NAMPT: variants seen among roughly 807,000 people sequenced by gnomAD.
The protein encoded by NAMPT is NAmPRTase.
NAMPT carries 7 observed loss-of-function variants against 58.7 expected under a neutral mutation model. The ratio of observed to expected loss-of-function variants is 0.12; its 90% CI spans 0.07 to 0.22. The LOEUF (loss-of-function observed/expected upper bound fraction) is 0.22, where lower values mean the gene tolerates loss of function less well. Ranked by LOEUF, NAMPT falls within the 10% of genes least tolerant of loss-of-function variation. NAMPT has a pLI of 1.00. For missense variants in NAMPT, 271 were observed against 567.9 expected (o/e 0.48, Z 5.31); for synonymous variants, 145 against 198.1 (o/e 0.73, Z 2.25).
intron 6 of NAMPT, among the ~76,000 whole-genome samples, chr7:106,267,872 A>AAAAAAAAAAC (rs1562815992): frequency 7.3e-6 from 1 of 136,200 alleles, no homozygotes; most frequent in African/African-American, 2.9e-5. Flanking sequence ...AAAAAAAAAA[A>AAAAAAAAAAC]AAAACAACCT....
intron 1 of NAMPT, among the ~76,000 whole-genome samples, chr7:106,281,443 CAA>C (rs1402062543): frequency 6.6e-6 from 1 of 152,016 alleles, no homozygotes; most frequent in Non-Finnish European, 1.5e-5. Flanking sequence ...TAAAAAATCA[CAA>C]GTCAACATTT....
intron 1 of NAMPT, among the ~76,000 whole-genome samples, chr7:106,280,834 A>C (rs1440468596): frequency 1.3e-5 from 2 of 151,796 alleles, no homozygotes; most frequent in South Asian, 2.1e-4. Context: ...CCAGCTACTC[A>C]GGAGACTGAG....
Position 106,249,367 on chromosome 7 carries a change from G to A in NAMPT, c.*1716C>T, listed in dbSNP as rs1420282516. 6.6e-6 allele frequency: 1 copy of A among 152,396 alleles called. No individual in the cohort carries two copies. The highest frequency in any genetic ancestry group is 1.5e-5 in the Non-Finnish European group (1 of 67,944). The allele number at this position is 152,396 out of a possible 1,614,324, so 9.4% of individuals were successfully genotyped here. On this transcript the variant is annotated 3_prime_UTR_variant, in exon 11 of 11. Coordinates refer to ENST00000222553, the MANE Select transcript of NAMPT (RefSeq NM_005746.3). ...GTTATTCTAGTGATCATTTTCTCATGTAACTATTTAAAACAGATGATTTAT... is the reference window on the plus strand; with the variant it reads ...GTTATTCTAGTGATCATTTTCTCATATAACTATTTAAAACAGATGATTTAT...
chr7:106,268,865 C>A lies in NAMPT; in HGVS notation c.607-265G>T, dbSNP rs554482206. Among the ~76,000 whole-genome samples, 47 of 152,316 alleles carry A rather than the reference C, an allele frequency of 3.1e-4. 1 individual carries two copies. In the South Asian group the frequency reaches 9.3e-3, roughly 30 times the overall value. Reference sequence around the variant, plus strand: ...CCCACTTTTCATCACTCTCTCTTCCCTTACCCTGCCTTGAGCTTCTTTATG... The same window carrying A: ...CCCACTTTTCATCACTCTCTCTTCCATTACCCTGCCTTGAGCTTCTTTATG... On this transcript the variant is annotated intron_variant, in intron 5 of 10. Coordinates refer to ENST00000222553, the MANE Select transcript of NAMPT (RefSeq NM_005746.3).
At chr7:106,266,165 G>A (rs1792404290) in intron 6 of NAMPT, among the ~76,000 whole-genome samples, 1 of 152,100 alleles carries the variant, frequency 6.6e-6, no homozygotes, top group African/African-American at 2.4e-5. Flanking sequence ...GCTATACTAC[G>A]CTGTTGTTTA....
At position 106,267,872 on chromosome 7, in the gene NAMPT, A is replaced by AAAAAAAAAAAAC. The variant is rs1562815992; in HGVS notation, c.743+591_743+592insGTTTTTTTTTTT. On this transcript the variant is annotated intron_variant, in intron 6 of 10. Coordinates refer to ENST00000222553, the MANE Select transcript of NAMPT (RefSeq NM_005746.3). ...AAAAAAAAAAAAAAAAAAAAAAAAAAAAAACAACCTGATTTACTTTTAATA... is the reference window on the plus strand; with the variant it reads ...AAAAAAAAAAAAAAAAAAAAAAAAAAAAAAAAAAAAACAAAACAACCTGATTTACTTTTAATA... Among the ~76,000 whole-genome samples the AAAAAAAAAAAAC allele has an allele frequency of 5.9e-5, 8 of 136,274 alleles. 1 individual carries two copies. The highest frequency in any genetic ancestry group is 2.3e-4 in the African/African-American group (8 of 34,526). 89.4% of individuals were successfully genotyped at this position (136,274 alleles called of 152,430 possible). A position where few individuals can be genotyped will look rare whatever the true frequency, so the allele number is the denominator to read the frequency against.
At chr7:106,273,878 G>T (rs1022516580) in intron 3 of NAMPT, among the ~76,000 whole-genome samples, 4 of 151,742 alleles carry the variant, frequency 2.6e-5, no homozygotes, top group Non-Finnish European at 4.4e-5. Context: ...TGTCATATAG[G>T]CATGAAAGTT....
chr7:106,280,020 T>TACAG (rs1423998584), intron 1 of NAMPT, among the ~76,000 whole-genome samples: 1 of 152,118 alleles, frequency 6.6e-6, no homozygotes, highest in Non-Finnish European at 1.5e-5. Context: ...ATGTAAGGCT[T>TACAG]ACAGACTACC....
chr7:106,268,448 G>A lies in NAMPT; in HGVS notation c.743+16C>T, dbSNP rs1375908134. ...GAAAAAATTAGTAGTTTTAAAAAAT[G>A]AACAGAATTTTTTACCTGTGTTCTG... On this transcript the variant is annotated intron_variant, in intron 6 of 10. Transcript: ENST00000222553. 3 of 1,589,858 alleles carry A rather than the reference G, an allele frequency of 1.9e-6. No individual in the cohort carries two copies. Among genetic ancestry groups the A allele is most frequent in the African/African-American group, 2.7e-5 (2 of 73,284 alleles).
chr7:106,273,135 A>G (rs1173032341), intron 3 of NAMPT, among the ~76,000 whole-genome samples: 1 of 152,252 alleles, frequency 6.6e-6, no homozygotes, highest in African/African-American at 2.4e-5. Flanking sequence ...AGAGAAGGAG[A>G]GCTAGGGAAA....
At chr7:106,284,738 A>AACCCCCCCCCCCC in intron 1 of NAMPT, 90 bp downstream of exon 1, 10 of 486,000 alleles carry the variant, frequency 2.1e-5, no homozygotes, top group Non-Finnish European at 2.9e-5. Flanking sequence ...CCCAGCCCCA[A>AACCCCCCCCCCCC]CCCCAGCCCC....
chr7:106,284,502 G>C (rs11978370), intron 1 of NAMPT: 11 of 152,486 alleles, frequency 7.2e-5, no homozygotes, highest in East Asian at 5.8e-4. Flanking sequence ...CGACGCCCAA[G>C]CCCCGAGCCC....
chr7:106,262,005 CCTT>C (rs1304818773), intron 7 of NAMPT, among the ~76,000 whole-genome samples: 2 of 151,814 alleles, frequency 1.3e-5, no homozygotes, highest in African/African-American at 4.8e-5. Flanking sequence ...AAAAAAAAAT[CCTT>C]AATATTAAAT....
At chr7:106,284,748 CA>C in intron 1 of NAMPT, 79 bp downstream of exon 1, 5 of 1,206,184 alleles carry the variant, frequency 4.1e-6, no homozygotes, top group Non-Finnish European at 5.4e-6. Context: ...ACCCCAGCCC[CA>C]GCCGCCCCCG....
intron 1 of NAMPT, among the ~76,000 whole-genome samples, chr7:106,279,429 G>GGGC (rs1554353918): frequency 2.0e-5 from 3 of 151,686 alleles, no homozygotes; most frequent in Non-Finnish European, 4.4e-5. Flanking sequence ...CTACTTATAG[G>GGGC]GGTATATGTA....
intron 3 of NAMPT, among the ~76,000 whole-genome samples, chr7:106,274,454 A>AT (rs1792595290): frequency 6.6e-6 from 1 of 152,060 alleles, no homozygotes; most frequent in African/African-American, 2.4e-5. Context: ...TTTCAAAAGG[A>AT]TATATTGGCT....
At chr7:106,270,669 C>T (rs1186371189) in intron 4 of NAMPT, among the ~76,000 whole-genome samples, 1 of 152,160 alleles carries the variant, frequency 6.6e-6, no homozygotes, top group Non-Finnish European at 1.5e-5. Flanking sequence ...TCTCTTAGAA[C>T]CCCAAGACTA....
At chr7:106,278,818 C>G (rs1364788264) in intron 1 of NAMPT, among the ~76,000 whole-genome samples, 1 of 152,174 alleles carries the variant, frequency 6.6e-6, no homozygotes, top group Non-Finnish European at 1.5e-5. Context: ...AGAAGAAAAG[C>G]ACACACGATG....
At chr7:106,256,814 AC>A (rs2115733626) in intron 8 of NAMPT, among the ~76,000 whole-genome samples, 1 of 152,238 alleles carries the variant, frequency 6.6e-6, no homozygotes, top group Non-Finnish European at 1.5e-5. Flanking sequence ...TTGAGACACA[AC>A]CCCATGCTAA....
Sources: gnomAD v4.1 joint callset for allele counts (sites outside exome capture counted in the v4.1 genomes callset) on GRCh38, gnomAD v4.1.1 for gene constraint, MANE v1.5 for transcripts, NCBI Gene and HGNC (gene_info 2026-07-23, HGNC 2026-07-21) for gene names.